The following SCP2 variants were observed in gnomAD, a reference collection of about 807,000 sequenced individuals.
The protein encoded by SCP2 is sterol carrier protein 2.
SCP2 carries 48 observed loss-of-function variants against 71.4 expected under a neutral mutation model. That is an observed-to-expected ratio of 0.67 (90% CI 0.53 to 0.86). The LOEUF (loss-of-function observed/expected upper bound fraction) is 0.86. SCP2 is among the 40% of genes least tolerant of loss of function. The probability of loss-of-function intolerance (pLI) is 0.00; values close to 1 mark genes in which losing one functional copy is unlikely to be tolerated. For missense variants in SCP2, 560 were observed against 655.6 expected (o/e 0.85, Z 1.59); for synonymous variants, 220 against 218.1 (o/e 1.01, Z -0.08).
intron 11 of SCP2, among the ~76,000 whole-genome samples, chr1:53,009,165 T>G (rs558972584): frequency 1.3e-5 from 2 of 152,254 alleles, no homozygotes; most frequent in East Asian, 3.9e-4. Context: ...TGCTCATGGG[T>G]AGGAAGAATG....
chr1:53,000,360 G>A (rs1660238415), intron 11 of SCP2, among the ~76,000 whole-genome samples: 2 of 152,084 alleles, frequency 1.3e-5, no homozygotes, highest in South Asian at 4.1e-4. Context: ...CTACTGAAAG[G>A]ACATGAAAGT....
intron 6 of SCP2, among the ~76,000 whole-genome samples, chr1:52,964,236 CAG>C (rs1193821479): frequency 7.5e-6 from 1 of 133,772 alleles, no homozygotes; most frequent in Non-Finnish European, 1.5e-5. Context: ...TTTTTTGAGA[CAG>C]AGTCTCGCTC....
At chr1:52,973,991 T>C (rs1657723306) in intron 6 of SCP2, among the ~76,000 whole-genome samples, 1 of 152,200 alleles carries the variant, frequency 6.6e-6, no homozygotes, top group Admixed American at 6.5e-5. Flanking sequence ...CTTAATTATA[T>C]GTATGTCATT....
intron 13 of SCP2, among the ~76,000 whole-genome samples, chr1:53,037,875 T>TACACACAC (rs1298266602): frequency 8.3e-5 from 8 of 96,508 alleles, no homozygotes; most frequent in Non-Finnish European, 1.4e-4. Flanking sequence ...ATCCTGTCTC[T>TACACACAC]ACATACACAC....
chr1:52,937,218 A>G (rs1322174188), intron 1 of SCP2, among the ~76,000 whole-genome samples: 41 of 152,234 alleles, frequency 2.7e-4, no homozygotes, highest in Admixed American at 2.7e-3. Flanking sequence ...AAGGATATTT[A>G]GAAACATGTC....
intron 12 of SCP2, among the ~76,000 whole-genome samples, chr1:53,027,112 A>C (rs1266310414): frequency 6.6e-6 from 1 of 151,788 alleles, no homozygotes; most frequent in Admixed American, 6.6e-5. Context: ...TTAATAAATA[A>C]CTTATTTATT....
intron 3 of SCP2, among the ~76,000 whole-genome samples, chr1:52,950,294 G>A (rs912664540): frequency 2.6e-5 from 4 of 151,968 alleles, no homozygotes; most frequent in African/African-American, 9.7e-5. Context: ...CTAATTTTTT[G>A]TATTTTTAGT....
rs749950258 is a variant in SCP2, at chr1:52,961,641, T to C, written c.523+12T>C. Reference sequence around the variant, plus strand: ...TATGGAAAAATATGGTATGTTACAGTTAAAAAACTTTGAGGCTTCTTACTA... The same window carrying C: ...TATGGAAAAATATGGTATGTTACAGCTAAAAAACTTTGAGGCTTCTTACTA... On this transcript the variant is annotated intron_variant, in intron 6 of 15. Transcript: ENST00000371514. The C allele has an allele frequency of 6.2e-7, 1 of 1,612,474 alleles. No homozygotes were observed. Among genetic ancestry groups the C allele is most frequent in the Non-Finnish European group, 8.5e-7 (1 of 1,178,826 alleles).
intron 11 of SCP2, among the ~76,000 whole-genome samples, chr1:53,012,443 A>G (rs1012330405): frequency 1.3e-5 from 2 of 152,264 alleles, no homozygotes; most frequent in East Asian, 3.8e-4. Context: ...ATAAATTTGT[A>G]TACCCTTTCT....
chr1:53,003,116 C>G (rs370875212), intron 11 of SCP2, among the ~76,000 whole-genome samples: 3 of 152,214 alleles, frequency 2.0e-5, no homozygotes, highest in Non-Finnish European at 4.4e-5. Context: ...TAAACTCTAT[C>G]TGTGCCAGGA....
intron 13 of SCP2, 76 bp downstream of exon 13, chr1:53,028,147 C>A: frequency 2.5e-6 from 2 of 793,224 alleles, no homozygotes; most frequent in Non-Finnish European, 4.4e-6. Flanking sequence ...GGTGTTGCCA[C>A]GAGGTGGTAC....
chr1:53,037,708 C>CAG (rs1177105442), intron 13 of SCP2, among the ~76,000 whole-genome samples: 2 of 151,968 alleles, frequency 1.3e-5, no homozygotes, highest in Non-Finnish European at 2.9e-5. Context: ...GCCTTGATTT[C>CAG]AGAACCACTT....
rs746353070 is a variant in SCP2, at chr1:52,980,449, C to A, written c.879C>A (p.Gly293=). 3 of 1,613,992 alleles carry A rather than the reference C, an allele frequency of 1.9e-6. No homozygotes were observed. Among genetic ancestry groups the A allele is most frequent in the South Asian group, 2.2e-5 (2 of 91,080 alleles). The part of the protein sequence containing the change: ...EAARKCYEKS[G]LTPNDIDVIE... ...CAAGAAAATGCTATGAGAAATCTGG[C>A]CTGACACCAAATGATATTGACGTAA... is the stretch of plus-strand genomic sequence containing the variant. The change falls in exon 10 of 16, where the codon GGC becomes GGA. Residue 293 remains glycine, a synonymous_variant. Transcript: ENST00000371514.
intron 12 of SCP2, among the ~76,000 whole-genome samples, chr1:53,022,229 A>G (rs1022222482): frequency 3.9e-5 from 6 of 152,202 alleles, no homozygotes; most frequent in Non-Finnish European, 5.9e-5. Flanking sequence ...CATACATTGT[A>G]TGGCCTTTGG....
chr1:52,990,107 G>A (rs1175122840), intron 11 of SCP2, among the ~76,000 whole-genome samples: 2 of 152,150 alleles, frequency 1.3e-5, no homozygotes, highest in African/African-American at 2.4e-5. Context: ...AAAATTCAGT[G>A]GCCATGTGGG....
chr1:52,937,822 T>C (rs1653872368), intron 1 of SCP2, among the ~76,000 whole-genome samples: 1 of 152,118 alleles, frequency 6.6e-6, no homozygotes, highest in South Asian at 2.1e-4. Flanking sequence ...GAAAGCAAAT[T>C]AGAACAGCAA....
intron 11 of SCP2, among the ~76,000 whole-genome samples, chr1:52,992,270 G>T (rs4926940): frequency 6.6e-6 from 1 of 151,370 alleles, no homozygotes; most frequent in Admixed American, 6.6e-5. Context: ...CTATGAAAGC[G>T]TATCTGCTTA....
At chr1:52,981,911 T>C (rs2150176281) in intron 10 of SCP2, among the ~76,000 whole-genome samples, 1 of 152,210 alleles carries the variant, frequency 6.6e-6, no homozygotes, top group South Asian at 2.1e-4. Flanking sequence ...TTTAGGTTGG[T>C]CATTTAATTA....
At chr1:52,976,847 A>T (rs1032531402) in intron 8 of SCP2, 78 bp downstream of exon 8, 30 of 804,208 alleles carry the variant, frequency 3.7e-5, no homozygotes, top group Non-Finnish European at 6.2e-5. Flanking sequence ...GTTAAACCTT[A>T]GGCTCTGCAT....
Sources: allele counts gnomAD v4.1 joint callset (sites outside exome capture counted in the v4.1 genomes callset), GRCh38; gene constraint gnomAD v4.1.1; transcripts MANE v1.5; gene names NCBI Gene and HGNC (gene_info 2026-07-23, HGNC 2026-07-21).